Variants in KIF21A observed in about 807,000 individuals in gnomAD.
KIF21A encodes the protein kinesin family member 21A, also known as kinesin-like protein KIF21A.
A neutral mutation model predicts 202.9 loss-of-function variants in KIF21A; 114 were observed. That is an observed-to-expected ratio of 0.56 (90% CI 0.48 to 0.66). The LOEUF (loss-of-function observed/expected upper bound fraction) is 0.66. Ranked by LOEUF, KIF21A falls within the 30% of genes least tolerant of loss-of-function variation. The pLI is 0.00. For synonymous variants in KIF21A, 667 were observed against 670.8 expected (o/e 0.99, Z 0.09); for missense variants, 1,677 against 1,994.9 (o/e 0.84, Z 3.04).
At chr12:39,317,970 G>C in intron 29 of KIF21A, 103 bp downstream of exon 29, 1 of 1,187,264 alleles carries the variant, frequency 8.4e-7, no homozygotes, top group South Asian at 1.2e-5. Context: ...CACACGTCAG[G>C]CTCCATCTCC....
In KIF21A at chr12:39,332,923, G is replaced by A; in HGVS notation, c.2672C>T (p.Ala891Val). The A allele has an allele frequency of 6.2e-7, 1 of 1,613,938 alleles. No individual in the cohort carries two copies. Among genetic ancestry groups the A allele is most frequent in the Non-Finnish European group, 8.5e-7 (1 of 1,180,002 alleles). ...KMRIPVARVQALPTPATNGNR... is the reference protein window; with the variant it reads ...KMRIPVARVQVLPTPATNGNR... Reference sequence around the variant, plus strand: ...TCCATTTGTTGCCGGCGTTGGTAAGGCCTGGACTCTCGCCACAGGAATTCT... The same window carrying A: ...TCCATTTGTTGCCGGCGTTGGTAAGACCTGGACTCTCGCCACAGGAATTCT... The change falls in exon 19 of 38, where the codon GCC (alanine) becomes GTC (valine). Residue 891 changes from alanine (A) to valine (V), a missense_variant. Ala to Val is a moderately conservative substitution (Grantham distance 64). Around this residue, in one of 3 missense-constraint regions of KIF21A, gnomAD observed 966 missense variants for 1,180.9 expected, o/e 0.82. Coordinates refer to ENST00000361418, the MANE Select transcript of KIF21A (RefSeq NM_001173464.2).
intron 26 of KIF21A, among the ~76,000 whole-genome samples, chr12:39,323,983 G>A (rs755722469): frequency 1.1e-4 from 16 of 151,928 alleles, no homozygotes; most frequent in Non-Finnish European, 2.2e-4. Context: ...GGTGGCGGGC[G>A]CCTGTTGTCC....
At chr12:39,303,837 G>A (rs924840060) in intron 35 of KIF21A, among the ~76,000 whole-genome samples, 11 of 152,000 alleles carry the variant, frequency 7.2e-5, no homozygotes, top group African/African-American at 2.4e-4. Flanking sequence ...CTCTTAGCCC[G>A]TAACCTTGTG....
At chr12:39,364,727 G>T (rs1267183818) in intron 6 of KIF21A, among the ~76,000 whole-genome samples, 1 of 152,130 alleles carries the variant, frequency 6.6e-6, no homozygotes, top group East Asian at 1.9e-4. Flanking sequence ...ACTCCATCTT[G>T]CCTTTAATCT....
At chr12:39,437,293 T>G (rs994174253) in intron 1 of KIF21A, among the ~76,000 whole-genome samples, 4 of 152,190 alleles carry the variant, frequency 2.6e-5, no homozygotes, top group African/African-American at 9.7e-5. Context: ...CAAGGGGTAG[T>G]AATAATTAGA....
chr12:39,343,134 C>A (rs148851898), intron 12 of KIF21A, among the ~76,000 whole-genome samples: 2 of 151,984 alleles, frequency 1.3e-5, no homozygotes, highest in African/African-American at 4.8e-5. Context: ...GAGGCTGAGG[C>A]GGGCAGATCA....
intron 17 of KIF21A, among the ~76,000 whole-genome samples, chr12:39,335,584 T>G (rs1946896424): frequency 6.6e-6 from 1 of 152,118 alleles, no homozygotes; most frequent in South Asian, 2.1e-4. Flanking sequence ...GAAAATTTTC[T>G]GTAATTAGAT....
At chr12:39,412,351 C>A (rs148870986) in intron 1 of KIF21A, among the ~76,000 whole-genome samples, 1 of 152,150 alleles carries the variant, frequency 6.6e-6, no homozygotes, top group East Asian at 1.9e-4. Context: ...AGAATAATGA[C>A]CCATGATGAA....
intron 1 of KIF21A, among the ~76,000 whole-genome samples, chr12:39,386,182 G>A (rs1247077579): frequency 6.6e-6 from 1 of 152,146 alleles, no homozygotes; most frequent in Non-Finnish European, 1.5e-5. Flanking sequence ...ATGTGGTCAT[G>A]TGTCCAACTT....
At chr12:39,416,861 G>A (rs1395067383) in intron 1 of KIF21A, among the ~76,000 whole-genome samples, 5 of 143,114 alleles carry the variant, frequency 3.5e-5, no homozygotes, top group Non-Finnish European at 1.5e-5. Flanking sequence ...ACATATATAT[G>A]TGTATATATA....
intron 6 of KIF21A, among the ~76,000 whole-genome samples, chr12:39,365,935 C>T (rs1455716881): frequency 6.6e-6 from 1 of 152,110 alleles, no homozygotes; most frequent in Non-Finnish European, 1.5e-5. Context: ...CCCGTGAGGT[C>T]AAGGCTGCAG....
Position 39,307,676 on chromosome 12 carries a change from G to A in KIF21A, c.4331C>T (p.Thr1444Ile), listed in dbSNP as rs1943606674. 1.9e-6 allele frequency: 3 copies of A among 1,613,938 alleles called. No homozygotes were observed. Among genetic ancestry groups the A allele is most frequent in the Non-Finnish European group, 2.5e-6 (3 of 1,179,952 alleles). The change falls in exon 34 of 38, where the codon ACA becomes ATA. Residue 1444 changes from threonine (T) to isoleucine (I), a missense_variant. Thr to Ile is a moderately conservative substitution (Grantham distance 89). Transcript: ENST00000361418. ...GTTCTCTCCAGAAGGAATAGCTACT[G>A]TTCGACTGGTACTTGCAGAACAAGC... ...GDACSASTSR[T>I]VAIPSGENQI...
chr12:39,307,397 T>TAATAAGGA (rs975580667), intron 34 of KIF21A, among the ~76,000 whole-genome samples, 168 bp downstream of exon 34: 1 of 152,164 alleles, frequency 6.6e-6, no homozygotes, highest in African/African-American at 2.4e-5. Context: ...GTCAGTTTGT[T>TAATAAGGA]AATAAGGACA....
At chr12:39,393,441 C>T (rs1951515383) in intron 1 of KIF21A, among the ~76,000 whole-genome samples, 1 of 152,138 alleles carries the variant, frequency 6.6e-6, no homozygotes, top group African/African-American at 2.4e-5. Context: ...TGGACTAATC[C>T]CAAATGAGTG....
At chr12:39,356,227 T>C (rs1948765637) in intron 10 of KIF21A, among the ~76,000 whole-genome samples, 1 of 152,244 alleles carries the variant, frequency 6.6e-6, no homozygotes, top group African/African-American at 2.4e-5. Context: ...CTAAATTTTG[T>C]CATTCTGTTT....
intron 17 of KIF21A, among the ~76,000 whole-genome samples, chr12:39,335,404 CTG>C (rs903167568): frequency 7.9e-6 from 1 of 127,342 alleles, no homozygotes; most frequent in South Asian, 2.4e-4. Context: ...AAGTAAGACT[CTG>C]TCTCAAAAAA....
At chr12:39,390,698 A>T (rs184099508) in intron 1 of KIF21A, among the ~76,000 whole-genome samples, 229 of 152,110 alleles carry the variant, frequency 1.5e-3, no homozygotes, top group Non-Finnish European at 1.9e-3. Flanking sequence ...GAAGGAAAAA[A>T]ATATATATAT....
chr12:39,366,329 A>C (rs749596366), intron 6 of KIF21A, 21 bp downstream of exon 6: 60 of 1,607,262 alleles, frequency 3.7e-5, no homozygotes, highest in Middle Eastern at 1.6e-4. Context: ...ATATATTCTC[A>C]GCACAAAGCC....
chr12:39,369,720 G>T lies in KIF21A; in HGVS notation c.450+9C>A. On this transcript the variant is annotated intron_variant, in intron 3 of 37. Transcript: ENST00000361418. Reference sequence around the variant, plus strand: ...TTAAAAGAAATTAATGCCAAAATTGGATTATTACCTCTAAGAATTGGGCAT... The same window carrying T: ...TTAAAAGAAATTAATGCCAAAATTGTATTATTACCTCTAAGAATTGGGCAT... 1 of 1,606,250 alleles carries T rather than the reference G, an allele frequency of 6.2e-7. No individual in the cohort carries two copies. Among genetic ancestry groups the T allele is most frequent in the Non-Finnish European group, 8.5e-7 (1 of 1,175,112 alleles).
Sources: gnomAD v4.1 joint callset for allele counts (sites outside exome capture counted in the v4.1 genomes callset) on GRCh38, gnomAD v4.1.1 for gene constraint, gnomAD v4.1.1 regional missense constraint, MANE v1.5 for transcripts, NCBI Gene and HGNC (gene_info 2026-07-23, HGNC 2026-07-21) for gene names.